Variants in RAPGEF4 observed in about 807,000 individuals in gnomAD.
RAPGEF4 encodes the protein Rap guanine nucleotide exchange factor 4, also known as RAP guanine-nucleotide-exchange factor (GEF) 4.
In RAPGEF4, 66 loss-of-function variants were observed where a neutral mutation model predicts 147.9. The ratio of observed to expected loss-of-function variants is 0.45; its 90% CI spans 0.37 to 0.55. The LOEUF is 0.55. RAPGEF4 is among the 20% of genes least tolerant of loss of function. RAPGEF4 has a pLI of 0.00. For missense variants in RAPGEF4, 1,071 were observed against 1,257.3 expected (o/e 0.85, Z 2.24); for synonymous variants, 419 against 442.7 (o/e 0.95, Z 0.67).
At chr2:172,804,562 C>T (rs138765429) in intron 3 of RAPGEF4, among the ~76,000 whole-genome samples, 12 of 152,258 alleles carry the variant, frequency 7.9e-5, no homozygotes, top group South Asian at 2.1e-4. Context: ...AGCCTGGGAA[C>T]GGGGAGTACC....
intron 3 of RAPGEF4, among the ~76,000 whole-genome samples, chr2:172,810,882 G>C (rs181306874): frequency 6.6e-6 from 1 of 152,306 alleles, no homozygotes; most frequent in Admixed American, 6.5e-5. Context: ...CCACCTCCTT[G>C]TTTTCGGTTT....
chr2:172,861,488 A>G (rs1351558446), intron 4 of RAPGEF4, among the ~76,000 whole-genome samples: 2 of 152,232 alleles, frequency 1.3e-5, no homozygotes, highest in Non-Finnish European at 2.9e-5. Context: ...CATGGGGCAG[A>G]CACAGGAAGT....
intron 4 of RAPGEF4, among the ~76,000 whole-genome samples, chr2:172,866,493 G>A (rs904113351): frequency 5.9e-5 from 9 of 151,844 alleles, no homozygotes; most frequent in Non-Finnish European, 1.3e-4. Context: ...AATATAAGTC[G>A]TATTCAGGGG....
At chr2:172,961,486 T>C (rs1346389872) in intron 8 of RAPGEF4, among the ~76,000 whole-genome samples, 2 of 152,208 alleles carry the variant, frequency 1.3e-5, no homozygotes, top group African/African-American at 4.8e-5. Context: ...ATTTTTGTAA[T>C]TTCTTTTTGC....
chr2:173,002,760 G>A (rs966429488), intron 17 of RAPGEF4, among the ~76,000 whole-genome samples: 1 of 151,812 alleles, frequency 6.6e-6, no homozygotes, highest in Non-Finnish European at 1.5e-5. Context: ...CAGGAGATTT[G>A]AGTTGAAGGT....
At chr2:172,953,374 A>G (rs550597227) in intron 6 of RAPGEF4, among the ~76,000 whole-genome samples, 5 of 147,892 alleles carry the variant, frequency 3.4e-5, no homozygotes, top group African/African-American at 1.2e-4. Flanking sequence ...AGAGAGAATT[A>G]TATATAAATA....
At chr2:172,813,531 A>G (rs935426521) in intron 3 of RAPGEF4, among the ~76,000 whole-genome samples, 9 of 152,192 alleles carry the variant, frequency 5.9e-5, no homozygotes, top group African/African-American at 1.9e-4. Context: ...TTGTAAACTT[A>G]TAGTCAGATT....
chr2:172,894,259 A>C (rs1381982793), intron 4 of RAPGEF4: 2 of 152,202 alleles, frequency 1.3e-5, no homozygotes, highest in African/African-American at 4.8e-5. Flanking sequence ...TGGTTTCCCT[A>C]TTCAGATCTC....
At chr2:172,753,290 T>A (rs1046540161) in intron 1 of RAPGEF4, among the ~76,000 whole-genome samples, 2 of 151,598 alleles carry the variant, frequency 1.3e-5, no homozygotes, top group African/African-American at 4.9e-5. Context: ...GAAGGGAGAG[T>A]GAACAATAAT....
intron 1 of RAPGEF4, among the ~76,000 whole-genome samples, chr2:172,755,467 T>A (rs1422617118): frequency 6.6e-6 from 1 of 152,184 alleles, no homozygotes; most frequent in Admixed American, 6.5e-5. Context: ...CAATCTCGGC[T>A]CACTGCAACC....
intron 6 of RAPGEF4, among the ~76,000 whole-genome samples, chr2:172,958,634 A>G (rs1486838600): frequency 6.6e-6 from 1 of 152,230 alleles, no homozygotes; most frequent in Non-Finnish European, 1.5e-5. Flanking sequence ...GACTAGAGTG[A>G]TACTTCTTGA....
In RAPGEF4 at chr2:172,859,975, A is replaced by G. The variant is rs1693841082; in HGVS notation, c.444+45550A>G. 8 of 954,778 alleles carry G rather than the reference A, an allele frequency of 8.4e-6. No individual in the cohort carries two copies. The South Asian group carries it at 2.4e-4, about 29-fold the overall frequency. The allele number at this position is 954,778 out of a possible 1,614,324, so 59.1% of individuals were successfully genotyped here. ...CTTGTCCGGGAGTGACTGCCTGGCA[A>G]TTGTTTCATGGAAAACAGGGAGGGG... On this transcript the variant is annotated intron_variant, in intron 4 of 30. Transcript: ENST00000397081.
intron 15 of RAPGEF4, among the ~76,000 whole-genome samples, chr2:172,992,100 A>G (rs188790681): frequency 5.3e-5 from 8 of 152,324 alleles, no homozygotes; most frequent in East Asian, 1.9e-4. Context: ...ACAGCTTACT[A>G]TAACAAAATA....
chr2:172,737,497 A>AT (rs1298322464), intron 1 of RAPGEF4, among the ~76,000 whole-genome samples: 1 of 152,144 alleles, frequency 6.6e-6, no homozygotes, highest in Non-Finnish European at 1.5e-5. Flanking sequence ...ATGGCATGGC[A>AT]TTTTTTGAAC....
At chr2:173,051,458 G>T (rs563752783) in intron 30 of RAPGEF4, among the ~76,000 whole-genome samples, 182 bp from the exon 31 acceptor site, 22 of 152,246 alleles carry the variant, frequency 1.4e-4, no homozygotes, top group Admixed American at 7.2e-4. Flanking sequence ...AAAGAAAATT[G>T]GAGGGTAGGA....
intron 1 of RAPGEF4, among the ~76,000 whole-genome samples, chr2:172,749,041 C>T (rs1377518869): frequency 1.3e-5 from 2 of 152,208 alleles, no homozygotes; most frequent in Non-Finnish European, 1.5e-5. Context: ...GGCAGCCTGG[C>T]CCCTGTGGCT....
intron 4 of RAPGEF4, among the ~76,000 whole-genome samples, chr2:172,835,434 C>T (rs2149684619): frequency 6.6e-6 from 1 of 152,292 alleles, no homozygotes; most frequent in Admixed American, 6.5e-5. Context: ...ATAGAAGAGA[C>T]AGTTTCTACA....
At chr2:172,957,739 G>A (rs1688885691) in intron 6 of RAPGEF4, among the ~76,000 whole-genome samples, 1 of 152,204 alleles carries the variant, frequency 6.6e-6, no homozygotes, top group African/African-American at 2.4e-5. Flanking sequence ...AGAAGGATCT[G>A]AGGATTCTGC....
At chr2:172,843,080 T>G (rs1169033418) in intron 4 of RAPGEF4, among the ~76,000 whole-genome samples, 2 of 152,204 alleles carry the variant, frequency 1.3e-5, no homozygotes, top group African/African-American at 4.8e-5. Context: ...ACTAGAATGA[T>G]CTGGTTGGAG....
Sources: gnomAD v4.1 joint callset for allele counts (sites outside exome capture counted in the v4.1 genomes callset) on GRCh38, gnomAD v4.1.1 for gene constraint, MANE v1.5 for transcripts, NCBI Gene and HGNC (gene_info 2026-07-23, HGNC 2026-07-21) for gene names.